The following VPS13B variants were observed in gnomAD, a reference collection of about 807,000 sequenced individuals.
The protein encoded by VPS13B is vacuolar protein sorting 13 homolog B.
In VPS13B, 285 loss-of-function variants were observed where a neutral mutation model predicts 426.4. The observed-to-expected ratio is 0.67, with a 90% CI of 0.61 to 0.74. The LOEUF (loss-of-function observed/expected upper bound fraction) is 0.74. Ranked by LOEUF, VPS13B falls within the 30% of genes least tolerant of loss-of-function variation. VPS13B has a pLI of 0.00. For synonymous variants in VPS13B, 1,676 were observed against 1,676.4 expected, an observed-to-expected ratio of 1.00 and a Z score of 0.01; for missense variants, 4,537 against 4,782.6, an observed-to-expected ratio of 0.95 and a Z score of 1.51.
At chr8:99,053,411 C>A (rs767948647) in intron 3 of VPS13B, among the ~76,000 whole-genome samples, 1 of 151,934 alleles carries the variant, frequency 6.6e-6, no homozygotes, top group African/African-American at 2.4e-5. Context: ...TTTGTCCTTG[C>A]GATAGTTTGC....
At chr8:99,290,308 T>C (rs971860290) in intron 19 of VPS13B, among the ~76,000 whole-genome samples, 3 of 152,082 alleles carry the variant, frequency 2.0e-5, no homozygotes, top group Admixed American at 6.6e-5. Context: ...ATATACACCA[T>C]GGAATACTAT....
At chr8:99,594,511 C>T (rs1826891386) in intron 33 of VPS13B, among the ~76,000 whole-genome samples, 1 of 151,970 alleles carries the variant, frequency 6.6e-6, no homozygotes, top group Non-Finnish European at 1.5e-5. Context: ...CTATCTACTA[C>T]ATTATATCTT....
chr8:99,814,303 A>T (rs112679811), intron 44 of VPS13B, among the ~76,000 whole-genome samples: 282 of 152,326 alleles, frequency 1.9e-3, no homozygotes, highest in African/African-American at 6.0e-3. Flanking sequence ...ATGCTTGTTA[A>T]TCTTCATAGC....
chr8:99,264,320 G>A (rs779175842), intron 17 of VPS13B, among the ~76,000 whole-genome samples: 6 of 151,144 alleles, frequency 4.0e-5, no homozygotes, highest in African/African-American at 9.7e-5. Context: ...CCTTTTCTCC[G>A]GTTGGATCCC....
chr8:99,360,564 AC>A (rs1013077220), intron 19 of VPS13B, among the ~76,000 whole-genome samples: 22 of 152,098 alleles, frequency 1.4e-4, no homozygotes, highest in Middle Eastern at 3.4e-3. Flanking sequence ...GGCATGAGCC[AC>A]CCCACCCGGC....
At chr8:99,637,464 T>C (rs1049422179) in intron 33 of VPS13B, among the ~76,000 whole-genome samples, 4 of 152,112 alleles carry the variant, frequency 2.6e-5, no homozygotes, top group African/African-American at 9.7e-5. Flanking sequence ...CCAGAGTCTT[T>C]CATCTCTAGG....
chr8:99,270,863 A>G (rs1000636719), intron 17 of VPS13B, among the ~76,000 whole-genome samples: 1 of 152,156 alleles, frequency 6.6e-6, no homozygotes. Context: ...GAACAGGGTA[A>G]GTTATCTATT....
chr8:99,114,001 C>G lies in VPS13B; in HGVS notation c.763-1699C>G, dbSNP rs576442310. ...TTATGATGTTTATGAGATACAGATC[C>G]TATGGGTACGTAATTTATTTAACAT... is the stretch of plus-strand genomic sequence containing the variant. On this transcript the variant is annotated intron_variant, in intron 6 of 61. Coordinates refer to ENST00000357162, the MANE Select transcript of VPS13B (RefSeq NM_152564.5). Among the ~76,000 whole-genome samples the G allele has an allele frequency of 2.4e-4, 37 of 152,154 alleles. No homozygotes were observed. In the Middle Eastern group the frequency reaches 0.031, roughly 126 times the overall value.
chr8:99,259,517 CATA>C (rs1367856889), intron 17 of VPS13B, among the ~76,000 whole-genome samples: 3 of 152,022 alleles, frequency 2.0e-5, no homozygotes, highest in African/African-American at 7.2e-5. Context: ...TCAGTAAGCT[CATA>C]ATGTCAAAGC....
intron 2 of VPS13B, among the ~76,000 whole-genome samples, chr8:99,029,809 C>G (rs185843709): frequency 7.1e-4 from 63 of 88,330 alleles, no homozygotes; most frequent in East Asian, 1.7e-3. Flanking sequence ...GAGAGGGAGA[C>G]GGAGAGGGAG....
At chr8:99,099,915 T>C (rs1563539379) in intron 4 of VPS13B, among the ~76,000 whole-genome samples, 1 of 152,184 alleles carries the variant, frequency 6.6e-6, no homozygotes, top group African/African-American at 2.4e-5. Context: ...TTTAGAGCCA[T>C]CTAATATTAC....
chr8:99,821,145 CA>C, intron 49 of VPS13B, 148 bp from the exon 50 acceptor site: 1 of 614,118 alleles, frequency 1.6e-6, no homozygotes. Context: ...CACACACACA[CA>C]CACACACACA....
At chr8:99,757,426 T>C (rs900101484) in intron 39 of VPS13B, among the ~76,000 whole-genome samples, 1 of 152,180 alleles carries the variant, frequency 6.6e-6, no homozygotes, top group Non-Finnish European at 1.5e-5. Flanking sequence ...CAACTCTTTA[T>C]TATGCACATA....
Position 99,273,494 on chromosome 8 carries a change from C to T in VPS13B, c.2516-704C>T, listed in dbSNP as rs189857207. Among the ~76,000 whole-genome samples, 194 of 152,080 alleles carry T rather than the reference C, an allele frequency of 1.3e-3. 1 individual carries two copies. The highest frequency in any genetic ancestry group is 6.8e-3 in the Admixed American group (104 of 15,294). ...CTTGGGTAGTTTTATGTTTAAATGT[C>T]TCCACCTAGGCCGGGCCTGGTGGTG... On this transcript the variant is annotated intron_variant, in intron 17 of 61. Transcript: ENST00000357162.
At chr8:99,212,660 T>TTTCTCTTCCTATC (rs141294294) in intron 17 of VPS13B, among the ~76,000 whole-genome samples, 1 of 151,756 alleles carries the variant, frequency 6.6e-6, no homozygotes, top group Non-Finnish European at 1.5e-5. Context: ...AGGTGGTCTT[T>TTTCTCTTCCTATC]TTCTCTTCTT....
At position 99,818,539 on chromosome 8, in the gene VPS13B, G is replaced by A; in HGVS notation, c.8445+5G>A. The A allele has an allele frequency of 6.2e-7, 1 of 1,613,858 alleles. No homozygotes were observed. Among genetic ancestry groups the A allele is most frequent in the Non-Finnish European group, 8.5e-7 (1 of 1,179,800 alleles). On this transcript the variant is annotated splice_donor_5th_base_variant and intron_variant, in intron 46 of 61. Coordinates refer to ENST00000357162, the MANE Select transcript of VPS13B (RefSeq NM_152564.5). ...TCTCAAGTGCAACAACGAATGGTGA[G>A]TGCTTTCCCAATCCTAAAATATGGT... is the stretch of plus-strand genomic sequence containing the variant.
chr8:99,840,459 T>C (rs1187326404), intron 54 of VPS13B, among the ~76,000 whole-genome samples: 2 of 152,216 alleles, frequency 1.3e-5, no homozygotes, highest in African/African-American at 4.8e-5. Context: ...ATGTCATCCA[T>C]AGATGTGGTG....
intron 43 of VPS13B, among the ~76,000 whole-genome samples, chr8:99,797,651 C>G (rs1812921312): frequency 6.6e-6 from 1 of 152,106 alleles, no homozygotes. Flanking sequence ...GCCCCTTTGG[C>G]CTCCTTATGG....
At chr8:99,680,201 A>G (rs1473918873) in intron 35 of VPS13B, among the ~76,000 whole-genome samples, 1 of 152,204 alleles carries the variant, frequency 6.6e-6, no homozygotes, top group African/African-American at 2.4e-5. Context: ...AGATTTCATA[A>G]TACATCATAA....
Sources: gnomAD v4.1 joint callset for allele counts (sites outside exome capture counted in the v4.1 genomes callset) on GRCh38, gnomAD v4.1.1 for gene constraint, MANE v1.5 for transcripts, NCBI Gene and HGNC (gene_info 2026-07-23, HGNC 2026-07-21) for gene names.